NDFIP2: variants seen among roughly 807,000 people sequenced by gnomAD.
NDFIP2 encodes NEDD4 family-interacting protein 2.
Under a neutral mutation model 36.0 loss-of-function variants are expected in NDFIP2, and 19 were observed. The ratio of observed to expected loss-of-function variants is 0.53; its 90% confidence interval spans 0.37 to 0.77. The LOEUF (loss-of-function observed/expected upper bound fraction) is 0.77. Among genes scored for constraint, NDFIP2 ranks in the 30% least tolerant of loss-of-function variants. The probability of loss-of-function intolerance (pLI) is 0.00; values close to 1 mark genes in which losing one functional copy is unlikely to be tolerated. For synonymous variants in NDFIP2, 181 were observed against 167.7 expected, an observed-to-expected ratio of 1.08 and a Z score of -0.61; for missense variants, 446 against 435.8, an observed-to-expected ratio of 1.02 and a Z score of -0.21.
intron 1 of NDFIP2, among the ~76,000 whole-genome samples, chr13:79,511,097 A>C (rs1320728007): frequency 3.3e-5 from 5 of 152,078 alleles, no homozygotes; most frequent in Admixed American, 2.6e-4. Flanking sequence ...TAGACTTTAA[A>C]GGTGTCAGAC....
At chr13:79,544,755 T>C (rs1875598237) in intron 5 of NDFIP2, among the ~76,000 whole-genome samples, 1 of 152,134 alleles carries the variant, frequency 6.6e-6, no homozygotes, top group Non-Finnish European at 1.5e-5. Flanking sequence ...GAAGTTGATT[T>C]AAAAGTACCC....
In NDFIP2 at chr13:79,555,510, A is replaced by C. The variant is rs1876078129; in HGVS notation, c.*2997A>C. The C allele has an allele frequency of 6.6e-6, 1 of 151,892 alleles. No homozygotes were observed. 9.4% of individuals were successfully genotyped at this position (151,892 alleles called of 1,614,324 possible). On this transcript the variant is annotated 3_prime_UTR_variant, in exon 8 of 8. Transcript: ENST00000218652. ...TGAGGGATGGAACTGGGGTAAGGGC[A>C]GGAGCCAGTTATTATTGCCACAGTG...
At chr13:79,501,410 G>A (rs1308905123) in intron 1 of NDFIP2, among the ~76,000 whole-genome samples, 2 of 152,016 alleles carry the variant, frequency 1.3e-5, no homozygotes, top group Admixed American at 6.6e-5. Flanking sequence ...GTTGGGGAAG[G>A]GGGTGTATGG....
At chr13:79,515,062 A>C (rs1422900195) in intron 1 of NDFIP2, among the ~76,000 whole-genome samples, 1 of 152,166 alleles carries the variant, frequency 6.6e-6, no homozygotes, top group Non-Finnish European at 1.5e-5. Flanking sequence ...TCACAAACCT[A>C]GATGGTATAG....
chr13:79,543,081 T>C (rs1341280678), intron 4 of NDFIP2, among the ~76,000 whole-genome samples: 2 of 152,162 alleles, frequency 1.3e-5, no homozygotes, highest in Non-Finnish European at 2.9e-5. Flanking sequence ...TTCACCATGT[T>C]GGCCAGGCTG....
At chr13:79,529,641 T>C (rs988235239) in intron 2 of NDFIP2, among the ~76,000 whole-genome samples, 5 of 152,206 alleles carry the variant, frequency 3.3e-5, no homozygotes, top group Admixed American at 3.3e-4. Flanking sequence ...CTAGTACCAA[T>C]TCCATGTGAT....
intron 1 of NDFIP2, among the ~76,000 whole-genome samples, chr13:79,520,108 A>G (rs186903784): frequency 8.8e-4 from 134 of 152,224 alleles, no homozygotes; most frequent in Admixed American, 3.6e-3. Context: ...GCCTTGCTTT[A>G]ATAATTTTTT....
chr13:79,494,921 A>G (rs1873379606), intron 1 of NDFIP2, among the ~76,000 whole-genome samples: 1 of 151,766 alleles, frequency 6.6e-6, no homozygotes, highest in Non-Finnish European at 1.5e-5. Context: ...ATTTTCTGTC[A>G]ATTTTATTCA....
At chr13:79,529,886 C>T (rs542053104) in intron 2 of NDFIP2, among the ~76,000 whole-genome samples, 2 of 152,326 alleles carry the variant, frequency 1.3e-5, no homozygotes, top group East Asian at 3.9e-4. Context: ...AAGCGAATAT[C>T]TCAGTGAAAA....
At chr13:79,543,035 C>T (rs1875521639) in intron 4 of NDFIP2, among the ~76,000 whole-genome samples, 1 of 152,098 alleles carries the variant, frequency 6.6e-6, no homozygotes, top group African/African-American at 2.4e-5. Flanking sequence ...CACCACCACA[C>T]CCGGCTAATT....
intron 6 of NDFIP2, among the ~76,000 whole-genome samples, 197 bp downstream of exon 6, chr13:79,548,591 G>A (rs952862518): frequency 6.6e-6 from 1 of 152,058 alleles, no homozygotes; most frequent in African/African-American, 2.4e-5. Flanking sequence ...GAGGCTATCA[G>A]TGTAAAGAGT....
chr13:79,515,538 C>T (rs149910477), intron 1 of NDFIP2, among the ~76,000 whole-genome samples: 7 of 152,260 alleles, frequency 4.6e-5, no homozygotes, highest in African/African-American at 1.7e-4. Context: ...CTAGAGACAG[C>T]AGAGGTTTAG....
intron 6 of NDFIP2, among the ~76,000 whole-genome samples, chr13:79,549,879 C>G (rs1411308293): frequency 6.6e-6 from 1 of 151,728 alleles, no homozygotes; most frequent in Non-Finnish European, 1.5e-5. Flanking sequence ...GAAGCAGATG[C>G]GATTGGGTTT....
intron 1 of NDFIP2, among the ~76,000 whole-genome samples, chr13:79,506,557 C>A (rs1270834664): frequency 1.3e-5 from 2 of 151,928 alleles, no homozygotes; most frequent in African/African-American, 4.8e-5. Flanking sequence ...CTCGTTAGTT[C>A]CCTAGGGTAT....
At chr13:79,518,795 C>T (rs894537242) in intron 1 of NDFIP2, among the ~76,000 whole-genome samples, 11 of 151,996 alleles carry the variant, frequency 7.2e-5, no homozygotes, top group Non-Finnish European at 1.6e-4. Flanking sequence ...ACATGCTGAT[C>T]TTTCTTTTTT....
At chr13:79,519,512 G>C (rs991018750) in intron 1 of NDFIP2, among the ~76,000 whole-genome samples, 2 of 152,130 alleles carry the variant, frequency 1.3e-5, no homozygotes, top group Non-Finnish European at 2.9e-5. Context: ...CAGTCACACT[G>C]CTTGGCTTTA....
chr13:79,481,393 C>A lies in NDFIP2; in HGVS notation c.190C>A (p.Pro64Thr), dbSNP rs760083513. ...CTGCAGGAACGGAGGCGGAAGGGGC[C>A]CTGCGGCGACGACGTCGTCGACGGG... ...RGCRNGGGRG[P>T]AATTSSTGVA... Residue 64 changes from proline to threonine, a missense_variant, in exon 1 of 8, where the codon CCT becomes ACT. Around this residue, in one of 2 missense-constraint regions of NDFIP2, gnomAD observed 369 missense variants for 304.8 expected, o/e 1.21. Transcript: ENST00000218652. 3 of 1,555,598 alleles carry A rather than the reference C, an allele frequency of 1.9e-6. No homozygotes were observed. The highest frequency in any genetic ancestry group is 2.6e-6 in the Non-Finnish European group (3 of 1,149,592).
At chr13:79,543,412 G>A in intron 4 of NDFIP2, 146 bp from the exon 5 acceptor site, 2 of 996,686 alleles carry the variant, frequency 2.0e-6, no homozygotes, top group Non-Finnish European at 3.0e-6. Context: ...CAAAAAGTAG[G>A]CTATAGTCTA....
chr13:79,521,313 C>T lies in NDFIP2; in HGVS notation c.487+338C>T, dbSNP rs78037730. On this transcript the variant is annotated intron_variant, in intron 2 of 7. Coordinates refer to ENST00000218652, the MANE Select transcript of NDFIP2 (RefSeq NM_019080.3). The stretch of plus-strand genomic sequence containing the variant: ...ACAAGGCAATAATTCCTGTTTGCTA[C>T]TGTTCATCTTATTCAGGTCACTCTA... Among the ~76,000 whole-genome samples, 984 of 152,228 alleles carry T rather than the reference C, an allele frequency of 6.5e-3. 12 individuals are homozygous for T. Among genetic ancestry groups the T allele is most frequent in the African/African-American group, 0.021 (861 of 41,548 alleles).
Sources: allele counts gnomAD v4.1 joint callset (sites outside exome capture counted in the v4.1 genomes callset), GRCh38; gene constraint gnomAD v4.1.1; regional missense constraint gnomAD v4.1.1; transcripts MANE v1.5; gene names NCBI Gene and HGNC (gene_info 2026-07-23, HGNC 2026-07-21).